STK24: variants seen among roughly 807,000 people sequenced by gnomAD.
STK24 encodes serine/threonine kinase 24.
A neutral mutation model predicts 55.6 loss-of-function variants in STK24; 21 were observed. The observed-to-expected ratio is 0.38, with a 90% CI of 0.27 to 0.54. STK24 has a LOEUF of 0.54. Ranked by LOEUF, STK24 falls within the 20% of genes least tolerant of loss-of-function variation. The pLI is 0.79. For synonymous variants in STK24, 200 were observed against 215.2 expected (o/e 0.93, Z 0.62); for missense variants, 383 against 538.4 (o/e 0.71, Z 2.86).
intron 9 of STK24, among the ~76,000 whole-genome samples, chr13:98,459,838 C>T (rs1026605848): frequency 6.6e-6 from 1 of 152,226 alleles, no homozygotes; most frequent in Non-Finnish European, 1.5e-5. Context: ...ATAAAGCCTA[C>T]TTTTGAAAAT....
In STK24 at chr13:98,463,679, G is replaced by A. The variant is rs184780246; in HGVS notation, c.929+12C>T. ...CCACACACATGCTTGGGTCACTCAG[G>A]GGCCGACTTACGCGTCGGAATCCTC... is the stretch of plus-strand genomic sequence containing the variant. On this transcript the variant is annotated intron_variant, in intron 7 of 10. Coordinates refer to ENST00000539966, the MANE Select transcript of STK24 (RefSeq NM_001032296.4). 11 of 1,612,442 alleles carry A rather than the reference G, an allele frequency of 6.8e-6. No individual in the cohort carries two copies. Among genetic ancestry groups the A allele is most frequent in the Non-Finnish European group, 8.5e-6 (10 of 1,178,978 alleles).
At chr13:98,521,859 C>A (rs370462554) in intron 1 of STK24, 1 of 813,332 alleles carries the variant, frequency 1.2e-6, no homozygotes, top group Non-Finnish European at 2.2e-6. Context: ...CCATCCTTCT[C>A]TCCTCCAGGA....
intron 1 of STK24, among the ~76,000 whole-genome samples, chr13:98,569,421 A>AG (rs1897677332): frequency 7.0e-6 from 1 of 143,522 alleles, no homozygotes; most frequent in Admixed American, 6.8e-5. Flanking sequence ...GACAAAAAAA[A>AG]AAAAACAAAA....
intron 1 of STK24, among the ~76,000 whole-genome samples, chr13:98,523,731 C>T (rs1458004335): frequency 6.6e-6 from 1 of 152,240 alleles, no homozygotes; most frequent in Non-Finnish European, 1.5e-5. Flanking sequence ...CCAGAAAAGG[C>T]CAGCAAAACT....
chr13:98,524,980 C>A (rs1419402589), intron 1 of STK24, among the ~76,000 whole-genome samples: 1 of 152,248 alleles, frequency 6.6e-6, no homozygotes, highest in Non-Finnish European at 1.5e-5. Flanking sequence ...TAAAAATTAC[C>A]CCTGGCAAGA....
At chr13:98,453,394 T>C (rs993215775) in intron 10 of STK24, 185 bp from the exon 11 acceptor site, 1 of 616,662 alleles carries the variant, frequency 1.6e-6, no homozygotes, top group African/African-American at 1.9e-5. Context: ...AAGATCATGA[T>C]TCTTACACAA....
At chr13:98,475,433 T>C in intron 3 of STK24, 75 bp from the exon 4 acceptor site, 1 of 1,025,760 alleles carries the variant, frequency 9.7e-7, no homozygotes, top group Non-Finnish European at 1.5e-6. Context: ...ACAGAAACAC[T>C]ATCCATGTTA....
At chr13:98,535,370 A>C (rs12428892) in intron 1 of STK24, among the ~76,000 whole-genome samples, 1 of 55,902 alleles carries the variant, frequency 1.8e-5, no homozygotes, top group Non-Finnish European at 5.6e-5. Context: ...ACAAAAAAAA[A>C]ATATATATAT....
chr13:98,493,269 C>T (rs370065969), intron 2 of STK24, among the ~76,000 whole-genome samples: 13 of 152,346 alleles, frequency 8.5e-5, no homozygotes, highest in African/African-American at 3.1e-4. Flanking sequence ...AGATGTTCCT[C>T]TTTTCCATAA....
At chr13:98,522,430 T>C (rs1896295874) in intron 1 of STK24, among the ~76,000 whole-genome samples, 2 of 152,208 alleles carry the variant, frequency 1.3e-5, no homozygotes, top group Non-Finnish European at 2.9e-5. Flanking sequence ...GAATAATCCA[T>C]GTTTTTAAAA....
At position 98,557,743 on chromosome 13, in the gene STK24, G is replaced by A. The variant is rs1340466646; in HGVS notation, c.42+19002C>T. Among the ~76,000 whole-genome samples the A allele has an allele frequency of 3.9e-5, 6 of 152,310 alleles. No individual in the cohort carries two copies. The South Asian group carries it at 1.2e-3, about 32-fold the overall frequency. ...GGGTGATAATGACAAGGTAGTCTGGGAGCACTTATTTTAGGACCTGATATG... is the reference window on the plus strand; with the variant it reads ...GGGTGATAATGACAAGGTAGTCTGGAAGCACTTATTTTAGGACCTGATATG... On this transcript the variant is annotated intron_variant, in intron 1 of 10. Coordinates refer to ENST00000539966, the MANE Select transcript of STK24 (RefSeq NM_001032296.4).
intron 2 of STK24, among the ~76,000 whole-genome samples, chr13:98,494,830 C>G (rs1396259070): frequency 1.3e-5 from 2 of 152,180 alleles, no homozygotes. Flanking sequence ...AATCCAAGGG[C>G]ACCCGCACTG....
intron 1 of STK24, among the ~76,000 whole-genome samples, chr13:98,559,070 T>A (rs1371780634): frequency 1.4e-5 from 2 of 141,600 alleles, no homozygotes; most frequent in Non-Finnish European, 3.0e-5. Flanking sequence ...ATGCCTATAA[T>A]CCCAGCTATT....
chr13:98,502,696 A>G (rs1265455612), intron 2 of STK24, among the ~76,000 whole-genome samples: 2 of 152,198 alleles, frequency 1.3e-5, no homozygotes, highest in African/African-American at 4.8e-5. Flanking sequence ...ACACAGCAAG[A>G]AAGCCCTCGC....
At chr13:98,477,103 T>C (rs1358704607) in intron 3 of STK24, among the ~76,000 whole-genome samples, 2 of 152,256 alleles carry the variant, frequency 1.3e-5, no homozygotes, top group African/African-American at 4.8e-5. Context: ...AAAGTAGTTT[T>C]TTCCCAGTTA....
intron 2 of STK24, among the ~76,000 whole-genome samples, chr13:98,514,330 T>C (rs1369117612): frequency 2.6e-5 from 4 of 152,240 alleles, no homozygotes; most frequent in Non-Finnish European, 5.9e-5. Context: ...TTTTTCTGTT[T>C]CATCAGAAAC....
At chr13:98,487,931 T>C (rs2139315581) in intron 2 of STK24, among the ~76,000 whole-genome samples, 1 of 152,246 alleles carries the variant, frequency 6.6e-6, no homozygotes, top group Admixed American at 6.5e-5. Context: ...GGGTGCTAAT[T>C]TCCCCCTTTC....
intron 1 of STK24, among the ~76,000 whole-genome samples, chr13:98,555,182 G>C (rs1897255914): frequency 6.6e-6 from 1 of 152,154 alleles, no homozygotes; most frequent in Non-Finnish European, 1.5e-5. Flanking sequence ...TCTTTACAGA[G>C]TGAACGCTGA....
chr13:98,521,099 C>T (rs1210855512), intron 1 of STK24, among the ~76,000 whole-genome samples: 2 of 152,188 alleles, frequency 1.3e-5, no homozygotes, highest in Non-Finnish European at 2.9e-5. Context: ...CAGCGTAATC[C>T]GAGGTCTAAC....
Sources: gnomAD v4.1 joint callset for allele counts (sites outside exome capture counted in the v4.1 genomes callset) on GRCh38, gnomAD v4.1.1 for gene constraint, MANE v1.5 for transcripts, NCBI Gene and HGNC (gene_info 2026-07-23, HGNC 2026-07-21) for gene names.